The following METTL22 variants were observed in gnomAD, a reference collection of about 807,000 sequenced individuals.
METTL22 encodes methyltransferase 22, Kin17 lysine, also known as methyltransferase-like protein 22.
METTL22 carries 51 observed loss-of-function variants against 48.4 expected under a neutral mutation model. The ratio of observed to expected loss-of-function variants is 1.05; its 90% CI spans 0.84 to 1.33. METTL22 has a LOEUF of 1.33. Among genes scored for constraint, METTL22 ranks in the 40% most tolerant of loss-of-function variants. The pLI, the probability that METTL22 is intolerant of heterozygous loss-of-function variation, is 0.00. For missense variants in METTL22, 678 were observed against 526.9 expected, an observed-to-expected ratio of 1.29 and a Z score of -2.81; for synonymous variants, 255 against 214.1, an observed-to-expected ratio of 1.19 and a Z score of -1.67.
At chr16:8,628,071 A>T (rs1439299121) in intron 2 of METTL22, among the ~76,000 whole-genome samples, 1 of 152,184 alleles carries the variant, frequency 6.6e-6, no homozygotes, top group Admixed American at 6.5e-5. Context: ...TTACAGGAAA[A>T]GTTTGCTCAC....
chr16:8,663,583 A>C, the METTL22 span, among the ~76,000 whole-genome samples: 1 of 151,996 alleles, frequency 6.6e-6, no homozygotes, highest in Admixed American at 6.6e-5. Context: ...AGGCTGGGGG[A>C]GGTCCTCCCA....
rs1033568086 is a variant in METTL22 at position 8,646,312 on chromosome 16, G to A, written c.*169G>A. On this transcript the variant is annotated 3_prime_UTR_variant, in exon 11 of 11. Coordinates refer to ENST00000381920, the MANE Select transcript of METTL22 (RefSeq NM_024109.4). ...TTCTGGGGTCTGTCCCTGCCTCCCAGTTGTAGCCAGAGAAGGTTGTTGCTG... is the reference window on the plus strand; with the variant it reads ...TTCTGGGGTCTGTCCCTGCCTCCCAATTGTAGCCAGAGAAGGTTGTTGCTG... 3.6e-6 allele frequency: 3 copies of A among 837,794 alleles called. No homozygotes were observed. Among genetic ancestry groups the A allele is most frequent in the Non-Finnish European group, 3.9e-6 (2 of 507,044 alleles). 51.9% of individuals were successfully genotyped at this position (837,794 alleles called of 1,614,324 possible).
Position 8,639,168 on chromosome 16 carries a change from G to A in METTL22, c.772+6G>A, listed in dbSNP as rs1381322002. The stretch of plus-strand genomic sequence containing the variant: ...CCACCTGGCTGCCACTGGAGGTGAG[G>A]CCCAGGGGGTCTTCTGCCAGGGAGG... On this transcript the variant is annotated splice_donor_region_variant and intron_variant, in intron 6 of 10. Coordinates refer to ENST00000381920, the MANE Select transcript of METTL22 (RefSeq NM_024109.4). 6.2e-7 allele frequency: 1 copy of A among 1,613,758 alleles called. No individual in the cohort carries two copies. Among genetic ancestry groups the A allele is most frequent in the Non-Finnish European group, 8.5e-7 (1 of 1,179,950 alleles).
In METTL22 at chr16:8,647,012, C is replaced by T. The variant is rs970068745; in HGVS notation, c.*869C>T. On this transcript the variant is annotated 3_prime_UTR_variant, in exon 11 of 11. Coordinates refer to ENST00000381920, the MANE Select transcript of METTL22 (RefSeq NM_024109.4). The stretch of plus-strand genomic sequence containing the variant: ...ATCTTCCTGCTACCCTTGGCCCTCC[C>T]TGCAGCCCCTTTCCCCTGCCTTGCT... 18 of 316,060 alleles carry T rather than the reference C, an allele frequency of 5.7e-5. No individual in the cohort carries two copies. Among genetic ancestry groups the T allele is most frequent in the African/African-American group, 3.2e-4 (15 of 46,286 alleles). The allele number at this position is 316,060 out of a possible 1,614,324, so 19.6% of individuals were successfully genotyped here. A position where few individuals can be genotyped will look rare whatever the true frequency, so the allele number is the denominator to read the frequency against.
intron 5 of METTL22, among the ~76,000 whole-genome samples, chr16:8,637,470 G>T (rs2056457929): frequency 6.6e-6 from 1 of 152,242 alleles, no homozygotes. Flanking sequence ...TAGATGCCAT[G>T]TTCCAGTTGG....
At chr16:8,622,331 C>T (rs1002336044) in intron 1 of METTL22, among the ~76,000 whole-genome samples, 13 of 152,202 alleles carry the variant, frequency 8.5e-5, no homozygotes, top group Non-Finnish European at 2.9e-5. Flanking sequence ...CAGCACACTG[C>T]TTATTTGGGA....
the METTL22 span, among the ~76,000 whole-genome samples, chr16:8,654,936 G>T: frequency 6.6e-6 from 1 of 152,098 alleles, no homozygotes; most frequent in African/African-American, 2.4e-5. Flanking sequence ...TACAGAGAAC[G>T]CTAATGGACA....
chr16:8,659,294 G>A, the METTL22 span, among the ~76,000 whole-genome samples: 2 of 150,360 alleles, frequency 1.3e-5, no homozygotes, highest in South Asian at 4.2e-4. Flanking sequence ...TTGCGCCTCT[G>A]TACTCTAGCC....
chr16:8,660,211 C>A, the METTL22 span, among the ~76,000 whole-genome samples: 4 of 148,854 alleles, frequency 2.7e-5, no homozygotes, highest in Non-Finnish European at 6.0e-5. Context: ...GAGTCTCACT[C>A]TGTTGCCCAG....
At chr16:8,654,250 G>A (rs1180818444), downstream of METTL22, among the ~76,000 whole-genome samples, 1 of 152,190 alleles carries the variant, frequency 6.6e-6, no homozygotes, top group Non-Finnish European at 1.5e-5. Context: ...CTTTGAACCT[G>A]AGAAGTTTGG....
downstream of METTL22, among the ~76,000 whole-genome samples, chr16:8,653,212 G>A (rs2056923845): frequency 6.6e-6 from 1 of 152,206 alleles, no homozygotes; most frequent in South Asian, 2.1e-4. Flanking sequence ...ACTAGTTACT[G>A]ATAAACAGAC....
chr16:8,653,028 A>G (rs1293812863), downstream of METTL22, among the ~76,000 whole-genome samples: 1 of 152,176 alleles, frequency 6.6e-6, no homozygotes, highest in Non-Finnish European at 1.5e-5. Context: ...GTTCAAACCC[A>G]CTTCTGCTGC....
chr16:8,628,772 G>C lies in METTL22; in HGVS notation c.176G>C (p.Trp59Ser), dbSNP rs2270286. The change falls in exon 3 of 11, where the codon TGG becomes TCG. Residue 59 changes from tryptophan to serine, a missense_variant. Coordinates refer to ENST00000381920, the MANE Select transcript of METTL22 (RefSeq NM_024109.4). ...AAGCTTCTATGGAGCCAAGACTCTT[G>C]GACAGATTCAGGAGCCAAGGGTGGC... Reference protein sequence around the residue: ...QFKLLWSQDSWTDSGAKGGSH... With the variant: ...QFKLLWSQDSSTDSGAKGGSH... 311,471 of 1,614,000 alleles carry C rather than the reference G, an allele frequency of 0.19. 32,284 individuals carry two copies. The highest frequency in any genetic ancestry group is 0.32 in the East Asian group (14,190 of 44,876).
intron 5 of METTL22, among the ~76,000 whole-genome samples, chr16:8,637,935 TG>T (rs1259089096): frequency 6.7e-6 from 1 of 149,196 alleles, no homozygotes; most frequent in African/African-American, 2.5e-5. Flanking sequence ...GTCAGGAGTT[TG>T]AGAGCAGCTT....
At chr16:8,635,903 A>T (rs1215312600) in intron 5 of METTL22, among the ~76,000 whole-genome samples, 1 of 152,236 alleles carries the variant, frequency 6.6e-6, no homozygotes, top group African/African-American at 2.4e-5. Context: ...AGCTGAAATC[A>T]AGCTGCAGCA....
In METTL22 at chr16:8,645,850, T is replaced by C. The variant is rs528967223; in HGVS notation, c.1180-258T>C. 7.3e-5 allele frequency: 86 copies of C among 1,175,540 alleles called. 1 individual carries two copies. In the South Asian group the frequency reaches 1.6e-3, roughly 21 times the overall value. 72.8% of individuals were successfully genotyped at this position (1,175,540 alleles called of 1,614,324 possible). A position where few individuals can be genotyped will look rare whatever the true frequency, so the allele number is the denominator to read the frequency against. On this transcript the variant is annotated intron_variant, in intron 10 of 10. Coordinates refer to ENST00000381920, the MANE Select transcript of METTL22 (RefSeq NM_024109.4). ...AACTCACTGCTATTCTGGTCTCTTC[T>C]GATTGTTTGACATCCTCTGATGCAC...
the METTL22 span, among the ~76,000 whole-genome samples, chr16:8,659,845 C>G: frequency 2.6e-5 from 4 of 151,330 alleles, no homozygotes; most frequent in South Asian, 8.4e-4. Flanking sequence ...CACCTCAGCC[C>G]CACCAAGTAG....
chr16:8,659,971 C>T, the METTL22 span, among the ~76,000 whole-genome samples: 1 of 151,756 alleles, frequency 6.6e-6, no homozygotes, highest in Non-Finnish European at 1.5e-5. Context: ...AGCCATCCTC[C>T]CACCTCAGCC....
downstream of METTL22, among the ~76,000 whole-genome samples, chr16:8,651,258 G>A (rs573640051): frequency 2.0e-5 from 3 of 151,392 alleles, no homozygotes; most frequent in East Asian, 1.9e-4. Context: ...GTGGTGGCGG[G>A]CACCTGTAGT....
Sources: gnomAD v4.1 joint callset for allele counts (sites outside exome capture counted in the v4.1 genomes callset) on GRCh38, gnomAD v4.1.1 for gene constraint, MANE v1.5 for transcripts, NCBI Gene and HGNC (gene_info 2026-07-23, HGNC 2026-07-21) for gene names.